Variants in STK33 observed in about 807,000 individuals in gnomAD.
The protein encoded by STK33 is serine/threonine-protein kinase 33.
In STK33, 52 loss-of-function variants were observed where a neutral mutation model predicts 58.0. The ratio of observed to expected loss-of-function variants is 0.90; its 90% CI spans 0.72 to 1.13. The LOEUF is 1.13. STK33 is among the 50% of genes most tolerant of loss of function. STK33 has a pLI of 0.00. For missense variants in STK33, 630 were observed against 604.2 expected, an observed-to-expected ratio of 1.04 and a Z score of -0.45; for synonymous variants, 215 against 200.1, an observed-to-expected ratio of 1.07 and a Z score of -0.63.
intron 15 of STK33, among the ~76,000 whole-genome samples, chr11:8,397,958 A>G (rs970489730): frequency 1.3e-5 from 2 of 152,236 alleles, no homozygotes; most frequent in Non-Finnish European, 2.9e-5. Context: ...ATATGGGACC[A>G]TGTGAAAAGA....
intron 1 of STK33, among the ~76,000 whole-genome samples, chr11:8,537,649 G>A (rs1398489070): frequency 6.6e-6 from 1 of 151,822 alleles, no homozygotes; most frequent in African/African-American, 2.4e-5. Flanking sequence ...GCTCATGCCT[G>A]TAATCCCAGC....
chr11:8,435,602 G>GAA, intron 13 of STK33, 23 bp from the exon 14 acceptor site: 2 of 1,388,574 alleles, frequency 1.4e-6, no homozygotes, highest in Non-Finnish European at 1.9e-6. Flanking sequence ...AAAAAATCCT[G>GAA]AAAAATCTTA....
chr11:8,569,941 C>T lies in STK33; in HGVS notation c.-466+24142G>A, dbSNP rs1957690968. Among the ~76,000 whole-genome samples, 3 of 151,646 alleles carry T rather than the reference C, an allele frequency of 2.0e-5. No homozygotes were observed. The South Asian group carries it at 6.2e-4, about 32-fold the overall frequency. ...TCCAGCCTGGGCAACAGAGTGAGACCCTGTCTCAAAAAAATAAATAAATAG... is the reference window on the plus strand; with the variant it reads ...TCCAGCCTGGGCAACAGAGTGAGACTCTGTCTCAAAAAAATAAATAAATAG... On this transcript the variant is annotated intron_variant, in intron 1 of 15. Coordinates refer to ENST00000687296, the MANE Select transcript of STK33 (RefSeq NM_001352389.2).
chr11:8,381,587 ACC>A, the STK33 span, among the ~76,000 whole-genome samples: 6 of 152,048 alleles, frequency 3.9e-5, no homozygotes, highest in Non-Finnish European at 8.8e-5. Flanking sequence ...ATCACCTAGC[ACC>A]CAGCACCCCA....
At chr11:8,454,667 C>T (rs1946637534) in intron 10 of STK33, 77 bp downstream of exon 10, 2 of 1,452,654 alleles carry the variant, frequency 1.4e-6, no homozygotes, top group Admixed American at 2.8e-5. Context: ...CAACATGTGT[C>T]TAAAAAGAGG....
At chr11:8,399,211 T>C (rs927208713) in intron 15 of STK33, among the ~76,000 whole-genome samples, 1 of 152,204 alleles carries the variant, frequency 6.6e-6, no homozygotes, top group African/African-American at 2.4e-5. Context: ...GACCCCGTAG[T>C]TGGAAGTAAA....
the STK33 span, among the ~76,000 whole-genome samples, chr11:8,357,620 G>C: frequency 6.6e-6 from 1 of 152,208 alleles, no homozygotes; most frequent in Admixed American, 6.5e-5. Context: ...GGGAGGGGCA[G>C]GAGCCTGCTG....
intron 1 of STK33, among the ~76,000 whole-genome samples, chr11:8,586,269 A>G (rs963226547): frequency 4.0e-5 from 6 of 151,360 alleles, no homozygotes; most frequent in Non-Finnish European, 7.4e-5. Context: ...CCAACCTGGC[A>G]TAACAGGGTC....
intron 1 of STK33, among the ~76,000 whole-genome samples, chr11:8,486,234 G>GATTA (rs1310246081): frequency 6.6e-6 from 1 of 152,186 alleles, no homozygotes; most frequent in African/African-American, 2.4e-5. Flanking sequence ...AAAGCACTGA[G>GATTA]ATTAAAGTGA....
intron 1 of STK33, among the ~76,000 whole-genome samples, chr11:8,514,569 C>G (rs150298377): frequency 6.6e-6 from 1 of 152,266 alleles, no homozygotes; most frequent in Non-Finnish European, 1.5e-5. Context: ...GGTTGAGTAC[C>G]TCAGGAGCCT....
chr11:8,501,823 G>A (rs1388666821), intron 1 of STK33, among the ~76,000 whole-genome samples: 8 of 152,134 alleles, frequency 5.3e-5, no homozygotes, highest in Non-Finnish European at 4.4e-5. Context: ...ATCAGCTGAT[G>A]AATAAAGAAA....
chr11:8,546,171 T>C (rs1388376613), intron 1 of STK33, among the ~76,000 whole-genome samples: 1 of 152,216 alleles, frequency 6.6e-6, no homozygotes, highest in Non-Finnish European at 1.5e-5. Context: ...AGTGAGTCAG[T>C]AGTGAGTGAA....
intron 1 of STK33, among the ~76,000 whole-genome samples, chr11:8,510,251 A>T (rs761835842): frequency 1.1e-4 from 17 of 152,196 alleles, no homozygotes; most frequent in Non-Finnish European, 2.4e-4. Context: ...CCTGATAATT[A>T]GTGATGTTGA....
intron 5 of STK33, 39 bp from the exon 6 acceptor site, chr11:8,473,315 G>A: frequency 5.8e-6 from 7 of 1,199,412 alleles, no homozygotes; most frequent in Non-Finnish European, 8.5e-6. Context: ...AAAACTTTAA[G>A]ATGTAATATT....
chr11:8,373,848 T>G, the STK33 span, among the ~76,000 whole-genome samples: 2 of 152,134 alleles, frequency 1.3e-5, no homozygotes, highest in Non-Finnish European at 2.9e-5. Flanking sequence ...CTAGTGGTTC[T>G]CAAAGAGGGG....
intron 1 of STK33, among the ~76,000 whole-genome samples, chr11:8,534,206 CA>C (rs1954777318): frequency 1.3e-5 from 2 of 151,506 alleles, no homozygotes; most frequent in Admixed American, 1.3e-4. Context: ...ACCCGGGAGG[CA>C]GAGTTTGCAG....
At chr11:8,405,922 C>CACG (rs943163027) in intron 15 of STK33, among the ~76,000 whole-genome samples, 5 of 152,178 alleles carry the variant, frequency 3.3e-5, no homozygotes, top group Admixed American at 6.5e-5. Flanking sequence ...GTGGGCGGAT[C>CACG]ACGAGGTCAG....
chr11:8,464,783 A>G lies in STK33; in HGVS notation c.379T>C (p.Phe127Leu), dbSNP rs1482639230. Reference protein sequence around the residue: ...TFGRILGKGSFGIVIEATDKE... With the variant: ...TFGRILGKGSLGIVIEATDKE... ...TCTGTCGCTTCAATGACTATTCCAA[A>G]GCTCCCTTTTCCCAATATTCTTCCA... The change falls in exon 7 of 16, where the codon TTT becomes CTT. Residue 127 changes from phenylalanine to leucine, a missense_variant. Coordinates refer to ENST00000687296, the MANE Select transcript of STK33 (RefSeq NM_001352389.2). 1 of 1,613,290 alleles carries G rather than the reference A, an allele frequency of 6.2e-7. No homozygotes were observed. The highest frequency in any genetic ancestry group is 8.5e-7 in the Non-Finnish European group (1 of 1,179,706).
At chr11:8,525,074 A>G (rs1397474209) in intron 1 of STK33, among the ~76,000 whole-genome samples, 2 of 152,194 alleles carry the variant, frequency 1.3e-5, no homozygotes, top group Non-Finnish European at 1.5e-5. Flanking sequence ...AACTTTAAGC[A>G]GAAAACTGTA....
Sources: allele counts gnomAD v4.1 joint callset (sites outside exome capture counted in the v4.1 genomes callset), GRCh38; gene constraint gnomAD v4.1.1; transcripts MANE v1.5; gene names NCBI Gene and HGNC (gene_info 2026-07-23, HGNC 2026-07-21).